Variants in CRISP1 observed in about 807,000 individuals in gnomAD.
CRISP1 encodes the protein cysteine rich secretory protein 1, also known as cysteine-rich secretory protein 1.
In CRISP1, 44 loss-of-function variants were observed where a neutral mutation model predicts 33.1. The ratio of observed to expected loss-of-function variants is 1.33; its 90% CI spans 1.05 to 1.71. The LOEUF is 1.71. CRISP1 is among the 40% of genes most tolerant of loss of function. The pLI is 0.00. For missense variants in CRISP1, 390 were observed against 301.2 expected, an observed-to-expected ratio of 1.29 and a Z score of -2.18; for synonymous variants, 103 against 98.7, an observed-to-expected ratio of 1.04 and a Z score of -0.26.
chr6:49,838,678 C>G (rs1770884918), intron 6 of CRISP1, among the ~76,000 whole-genome samples, 153 bp from the exon 7 acceptor site: 1 of 152,178 alleles, frequency 6.6e-6, no homozygotes, highest in African/African-American at 2.4e-5. Flanking sequence ...GATTTCCAAT[C>G]TTACAGCTAT....
chr6:49,850,312 C>A (rs1369438297), intron 3 of CRISP1, among the ~76,000 whole-genome samples: 3 of 152,002 alleles, frequency 2.0e-5, no homozygotes, highest in Non-Finnish European at 4.4e-5. Flanking sequence ...TAAAATATAG[C>A]AGGATGTTTG....
upstream of CRISP1, among the ~76,000 whole-genome samples, chr6:49,868,172 A>G (rs1046620285): frequency 3.3e-5 from 5 of 152,158 alleles, no homozygotes; most frequent in Non-Finnish European, 5.9e-5. Context: ...TGGTTTTAAA[A>G]GAATTTGGGA....
upstream of CRISP1, among the ~76,000 whole-genome samples, chr6:49,868,571 A>C (rs958913113): frequency 2.6e-5 from 4 of 152,202 alleles, no homozygotes; most frequent in Non-Finnish European, 4.4e-5. Context: ...ATGTTGAAGG[A>C]AGCATTCATG....
intron 1 of CRISP1, among the ~76,000 whole-genome samples, chr6:49,860,420 C>T (rs1246837835): frequency 1.3e-5 from 2 of 152,090 alleles, no homozygotes; most frequent in Non-Finnish European, 2.9e-5. Flanking sequence ...TGTCAAGTAT[C>T]TTCTCTAACT....
At chr6:49,869,329 A>G (rs1425124215), upstream of CRISP1, among the ~76,000 whole-genome samples, 1 of 152,174 alleles carries the variant, frequency 6.6e-6, no homozygotes, top group Non-Finnish European at 1.5e-5. Flanking sequence ...GCTTCTGATT[A>G]TCCTTATAAC....
chr6:49,841,863 G>A (rs546705121), intron 5 of CRISP1, among the ~76,000 whole-genome samples: 1 of 152,034 alleles, frequency 6.6e-6, no homozygotes, highest in Non-Finnish European at 1.5e-5. Flanking sequence ...ATACAACAAC[G>A]CTGTCCTCTA....
At position 49,834,339 on chromosome 6, in the gene CRISP1, G is replaced by A. The variant is rs1485986429; in HGVS notation, c.*977C>T. The A allele has an allele frequency of 1.3e-5, 2 of 150,822 alleles. No individual in the cohort carries two copies. Among genetic ancestry groups the A allele is most frequent in the Non-Finnish European group, 3.0e-5 (2 of 67,768 alleles). The allele number at this position is 150,822 out of a possible 1,614,324, so 9.3% of individuals were successfully genotyped here. ...GAACTGGGTATAACTTTGGTATAAT[G>A]TTAAAATTTGACCAAGTATTTTTAG... On this transcript the variant is annotated 3_prime_UTR_variant, in exon 8 of 8. Coordinates refer to ENST00000335847, the MANE Select transcript of CRISP1 (RefSeq NM_001131.3).
chr6:49,841,244 T>C (rs1295158991), intron 5 of CRISP1, among the ~76,000 whole-genome samples: 5 of 152,306 alleles, frequency 3.3e-5, no homozygotes, highest in South Asian at 2.1e-4. Flanking sequence ...GATGACTTGA[T>C]GATTGACATT....
intron 1 of CRISP1, among the ~76,000 whole-genome samples, chr6:49,872,599 A>T (rs1448636059): frequency 6.6e-6 from 1 of 152,118 alleles, no homozygotes; most frequent in East Asian, 1.9e-4. Flanking sequence ...GAAGGGATCC[A>T]GTTTCAGCTT....
At chr6:49,847,937 C>T (rs1771231407) in intron 4 of CRISP1, among the ~76,000 whole-genome samples, 1 of 152,082 alleles carries the variant, frequency 6.6e-6, no homozygotes, top group South Asian at 2.1e-4. Flanking sequence ...CACTCTTCTG[C>T]AATACTGAGA....
At position 49,850,494 on chromosome 6, in the gene CRISP1, C is replaced by G. The variant is rs186453542; in HGVS notation, c.195+1507G>C. Among the ~76,000 whole-genome samples the G allele has an allele frequency of 7.2e-3, 1,075 of 148,818 alleles. 16 individuals carry two copies. Among genetic ancestry groups the G allele is most frequent in the African/African-American group, 0.026 (1,047 of 40,606 alleles). ...TAGGTTCTAATATTGTGTTCAGAAA[C>G]TTTTTTTTTTAAAGAAAATCTCTGC... is the stretch of plus-strand genomic sequence containing the variant. On this transcript the variant is annotated intron_variant, in intron 3 of 7. Coordinates refer to ENST00000335847, the MANE Select transcript of CRISP1 (RefSeq NM_001131.3).
chr6:49,860,076 A>C lies in CRISP1; in HGVS notation c.-2-2674T>G, dbSNP rs188819916. Among the ~76,000 whole-genome samples, 118 of 152,244 alleles carry C rather than the reference A, an allele frequency of 7.8e-4. 1 individual carries two copies. The highest frequency in any genetic ancestry group is 2.0e-3 in the African/African-American group (84 of 41,560). On this transcript the variant is annotated intron_variant, in intron 1 of 7. Transcript: ENST00000335847. ...GATCAATTCAGCAAGAGAATGTAACAATTCTAAATGTATGCACCCAACAAT... is the reference window on the plus strand; with the variant it reads ...GATCAATTCAGCAAGAGAATGTAACCATTCTAAATGTATGCACCCAACAAT...
chr6:49,867,066 C>T (rs1386932541), upstream of CRISP1, among the ~76,000 whole-genome samples: 1 of 152,088 alleles, frequency 6.6e-6, no homozygotes, highest in Non-Finnish European at 1.5e-5. Context: ...TGGGAGAATT[C>T]TAATAGAGAT....
At chr6:49,850,172 C>A (rs1256510646) in intron 3 of CRISP1, among the ~76,000 whole-genome samples, 1 of 151,616 alleles carries the variant, frequency 6.6e-6, no homozygotes, top group Admixed American at 6.6e-5. Flanking sequence ...GGGTGCAGCA[C>A]ACCAGCATGG....
chr6:49,868,643 T>C (rs1041785610), upstream of CRISP1, among the ~76,000 whole-genome samples: 14 of 152,176 alleles, frequency 9.2e-5, no homozygotes, highest in African/African-American at 3.4e-4. Context: ...TGGCTGTGGC[T>C]TTATTCTAAT....
intron 1 of CRISP1, among the ~76,000 whole-genome samples, chr6:49,872,781 T>G (rs967778849): frequency 6.6e-6 from 1 of 152,146 alleles, no homozygotes; most frequent in Non-Finnish European, 1.5e-5. Context: ...GGTACAAGTA[T>G]CATGCTGTTT....
At chr6:49,850,694 T>C (rs1308954560) in intron 3 of CRISP1, among the ~76,000 whole-genome samples, 1 of 152,192 alleles carries the variant, frequency 6.6e-6, no homozygotes, top group Admixed American at 6.6e-5. Flanking sequence ...TGATATTTCA[T>C]ATCTTTTTGT....
chr6:49,854,016 A>G (rs1340023013), intron 2 of CRISP1, among the ~76,000 whole-genome samples: 5 of 152,170 alleles, frequency 3.3e-5, no homozygotes, highest in Non-Finnish European at 7.4e-5. Context: ...CACTCTCCAC[A>G]TTATTGTAGA....
intron 1 of CRISP1, among the ~76,000 whole-genome samples, chr6:49,874,255 A>G (rs1771984839): frequency 6.6e-6 from 1 of 152,118 alleles, no homozygotes; most frequent in Non-Finnish European, 1.5e-5. Flanking sequence ...TAATATTAGA[A>G]CTAAAACAGT....
Sources: gnomAD v4.1 joint callset for allele counts (sites outside exome capture counted in the v4.1 genomes callset) on GRCh38, gnomAD v4.1.1 for gene constraint, MANE v1.5 for transcripts, NCBI Gene and HGNC (gene_info 2026-07-23, HGNC 2026-07-21) for gene names.